The following RAB36 variants were observed in gnomAD, a reference collection of about 807,000 sequenced individuals.
RAB36 encodes ras-related protein Rab-36.
RAB36 carries 33 observed loss-of-function variants against 39.3 expected under a neutral mutation model. That is an observed-to-expected ratio of 0.84 (90% CI 0.64 to 1.12). The LOEUF (loss-of-function observed/expected upper bound fraction) is 1.12. Among genes scored for constraint, RAB36 ranks in the 50% most tolerant of loss-of-function variants. The pLI, the probability that RAB36 is intolerant of heterozygous loss-of-function variation, is 0.00. For synonymous variants in RAB36, 133 were observed against 140.2 expected, an observed-to-expected ratio of 0.95 and a Z score of 0.36; for missense variants, 308 against 355.3, an observed-to-expected ratio of 0.87 and a Z score of 1.07.
In RAB36 at chr22:23,163,764, C is replaced by T. The variant is rs529421916; in HGVS notation, c.*2200C>T. On this transcript the variant is annotated 3_prime_UTR_variant, in exon 11 of 11. Transcript: ENST00000263116. Reference sequence around the variant, plus strand: ...GGACTCTGTGCCTTTGCCTGCACAGCTAGTGTTGATGGCTTGTTTGTTGTT... The same window carrying T: ...GGACTCTGTGCCTTTGCCTGCACAGTTAGTGTTGATGGCTTGTTTGTTGTT... 1 of 152,226 alleles carries T rather than the reference C, an allele frequency of 6.6e-6. No homozygotes were observed. Among genetic ancestry groups the T allele is most frequent in the Non-Finnish European group, 1.5e-5 (1 of 68,076 alleles). 9.4% of individuals were successfully genotyped at this position (152,226 alleles called of 1,614,324 possible). A position where few individuals can be genotyped will look rare whatever the true frequency, so the allele number is the denominator to read the frequency against.
At chr22:23,146,531 G>T (rs2070783022) in intron 1 of RAB36, 74 bp from the exon 2 acceptor site, 2 of 1,561,594 alleles carry the variant, frequency 1.3e-6, no homozygotes, top group Non-Finnish European at 8.7e-7. Flanking sequence ...TGAAAAGTTA[G>T]GTGGAAACTC....
Position 23,161,612 on chromosome 22 carries a change from G to C in RAB36, c.*48G>C. ...CCGCTCCCTGCACACACACGGACAGGAATTTCCGTGACTGTGGTGTGGAGA... is the reference window on the plus strand; with the variant it reads ...CCGCTCCCTGCACACACACGGACAGCAATTTCCGTGACTGTGGTGTGGAGA... On this transcript the variant is annotated 3_prime_UTR_variant, in exon 11 of 11. Transcript: ENST00000263116. The C allele has an allele frequency of 6.8e-7, 1 of 1,474,160 alleles. No homozygotes were observed. Among genetic ancestry groups the C allele is most frequent in the Non-Finnish European group, 9.3e-7 (1 of 1,075,596 alleles). 91.3% of individuals were successfully genotyped at this position (1,474,160 alleles called of 1,614,324 possible). A position where few individuals can be genotyped will look rare whatever the true frequency, so the allele number is the denominator to read the frequency against.
chr22:23,167,935 T>G, downstream of RAB36, among the ~76,000 whole-genome samples: 1 of 152,000 alleles, frequency 6.6e-6, no homozygotes, highest in Non-Finnish European at 1.5e-5. Context: ...TCAGTGCAAC[T>G]TTCCATCATC....
rs1196422439 is a variant in RAB36, at chr22:23,155,960, C to T, written c.330-8C>T. The T allele has an allele frequency of 3.1e-6, 5 of 1,608,164 alleles. No individual in the cohort carries two copies. The highest frequency in any genetic ancestry group is 2.7e-5 in the African/African-American group (2 of 74,656). ...ACCATTTCCCTTTCTTTCTCACCCA[C>T]CTCACAGCTGGGACACAGCTGGGCA... On this transcript the variant is annotated splice_region_variant and splice_polypyrimidine_tract_variant and intron_variant, in intron 5 of 10. Coordinates refer to ENST00000263116, the MANE Select transcript of RAB36 (RefSeq NM_004914.5).
rs144444349 is a variant in RAB36 at position 23,146,656 on chromosome 22, C to T, written c.40C>T (p.Arg14Cys). Residue 14 changes from arginine to cysteine, a missense_variant, in exon 2 of 11, where the codon CGC (arginine) becomes TGC (cysteine). By Grantham distance (180) the Arg-to-Cys change is radical. Coordinates refer to ENST00000263116, the MANE Select transcript of RAB36 (RefSeq NM_004914.5). ...GACACCTTTGGGGCCCCCTGTGAGC[C>T]GCGACCGTGTCATCGCCAGCTTCCC... Reference protein sequence around the residue: ...SLTPLGPPVSRDRVIASFPKW... With the variant: ...SLTPLGPPVSCDRVIASFPKW... 7 of 1,613,936 alleles carry T rather than the reference C, an allele frequency of 4.3e-6. No individual in the cohort carries two copies. Among genetic ancestry groups the T allele is most frequent in the African/African-American group, 1.3e-5 (1 of 74,904 alleles).
At chr22:23,147,857 C>G (rs575578792) in intron 2 of RAB36, among the ~76,000 whole-genome samples, 5 of 152,156 alleles carry the variant, frequency 3.3e-5, no homozygotes, top group Admixed American at 3.3e-4. Context: ...CAAAGTAAAC[C>G]GTTAAGTAAA....
Position 23,152,671 on chromosome 22 carries a change from AAG to A in RAB36, c.227+148_227+149del, listed in dbSNP as rs2071223196. 5 of 796,112 alleles carry A rather than the reference AAG, an allele frequency of 6.3e-6. No individual in the cohort carries two copies. In the East Asian group the frequency reaches 1.3e-4, roughly 21 times the overall value. The allele number at this position is 796,112 out of a possible 1,614,324, so 49.3% of individuals were successfully genotyped here. On this transcript the variant is annotated intron_variant, in intron 4 of 10. Coordinates refer to ENST00000263116, the MANE Select transcript of RAB36 (RefSeq NM_004914.5). ...TGCCTCAGCCTGCTGGGAGCCGGAT[AAG>A]AGGGGGTGCAAGAAATCGGGGAGAT...
chr22:23,146,613 A>G lies in RAB36; in HGVS notation c.-4A>G. ...CCTGGTTGGGTCCACAGGACTGTGGAAGAATGAGGTCCTCCCTGACACCTT... is the reference window on the plus strand; with the variant it reads ...CCTGGTTGGGTCCACAGGACTGTGGGAGAATGAGGTCCTCCCTGACACCTT... On this transcript the variant is annotated 5_prime_UTR_variant, in exon 2 of 11. Transcript: ENST00000263116. 6.2e-7 allele frequency: 1 copy of G among 1,613,954 alleles called. No individual in the cohort carries two copies. Among genetic ancestry groups the G allele is most frequent in the Non-Finnish European group, 8.5e-7 (1 of 1,179,902 alleles).
chr22:23,149,738 T>G (rs1251446935), intron 2 of RAB36, among the ~76,000 whole-genome samples: 1 of 152,084 alleles, frequency 6.6e-6, no homozygotes, highest in Non-Finnish European at 1.5e-5. Context: ...CCAAAAGAGC[T>G]CCACTCGTCT....
chr22:23,150,273 C>T (rs902167891), intron 3 of RAB36, 119 bp downstream of exon 3: 8 of 743,554 alleles, frequency 1.1e-5, no homozygotes, highest in Non-Finnish European at 1.8e-5. Context: ...CTGTACAGGC[C>T]TGAAGATGAC....
chr22:23,146,820 T>C (rs1171262437), intron 2 of RAB36, 135 bp downstream of exon 2: 1 of 1,411,828 alleles, frequency 7.1e-7, no homozygotes, highest in Non-Finnish European at 9.3e-7. Context: ...CTTGAGGAGC[T>C]GGGAGACTGG....
At chr22:23,146,748 C>G in intron 2 of RAB36, 63 bp downstream of exon 2, 2 of 1,587,920 alleles carry the variant, frequency 1.3e-6, no homozygotes, top group Non-Finnish European at 8.6e-7. Context: ...TCTCCCCACT[C>G]TACACTCATG....
chr22:23,159,710 G>A (rs1463244504), intron 9 of RAB36, among the ~76,000 whole-genome samples: 2 of 152,160 alleles, frequency 1.3e-5, no homozygotes, highest in Non-Finnish European at 2.9e-5. Context: ...CCAGGCATGT[G>A]ACATCACCTG....
At chr22:23,165,941 T>TA (rs2072039210), downstream of RAB36, among the ~76,000 whole-genome samples, 1 of 152,134 alleles carries the variant, frequency 6.6e-6, no homozygotes, top group Non-Finnish European at 1.5e-5. Flanking sequence ...GGTCAGGAGA[T>TA]AGAGACCATC....
At position 23,159,243 on chromosome 22, in the gene RAB36, G is replaced by C; in HGVS notation, c.609G>C (p.Ser203=). ...REMQAEYWSV[S]AKTGENVKAF... ...TGCAGGCCGAGTACTGGTCAGTGTC[G>C]GCCAAGACTGGTGAGTGGGCCAGGG... The change falls in exon 9 of 11, where the codon TCG becomes TCC. Residue 203 remains serine (S), a synonymous_variant. Coordinates refer to ENST00000263116, the MANE Select transcript of RAB36 (RefSeq NM_004914.5). The C allele has an allele frequency of 6.3e-7, 1 of 1,591,740 alleles. No homozygotes were observed. The highest frequency in any genetic ancestry group is 1.7e-4 in the Middle Eastern group (1 of 6,020).
chr22:23,161,074 C>T (rs1377877228), intron 10 of RAB36, 76 bp downstream of exon 10: 3 of 1,509,066 alleles, frequency 2.0e-6, no homozygotes, highest in East Asian at 4.6e-5. Context: ...TCCTCGTCAC[C>T]TGAGGCCTTG....
At chr22:23,166,147 T>TAAAAAAAA (rs695297), downstream of RAB36, among the ~76,000 whole-genome samples, 96 of 59,882 alleles carry the variant, frequency 1.6e-3, no homozygotes, top group African/African-American at 6.6e-3. Context: ...CTCTGTCTTT[T>TAAAAAAAA]AAAAAAAAAA....
At chr22:23,168,642 C>T (rs1298313295), downstream of RAB36, among the ~76,000 whole-genome samples, 3 of 152,216 alleles carry the variant, frequency 2.0e-5, no homozygotes, top group Non-Finnish European at 2.9e-5. Context: ...AACTGATGAG[C>T]AGCCAGGACG....
intron 3 of RAB36, among the ~76,000 whole-genome samples, chr22:23,152,037 C>T (rs1601907188): frequency 6.6e-6 from 1 of 152,328 alleles, no homozygotes; most frequent in Non-Finnish European, 1.5e-5. Flanking sequence ...AGGGGCTGCC[C>T]GTCCCTTTTG....
Sources: allele counts gnomAD v4.1 joint callset (sites outside exome capture counted in the v4.1 genomes callset), GRCh38; gene constraint gnomAD v4.1.1; transcripts MANE v1.5; gene names NCBI Gene and HGNC (gene_info 2026-07-23, HGNC 2026-07-21).